SYNJ1: variants seen among roughly 807,000 people sequenced by gnomAD.
The protein encoded by SYNJ1 is polyphosphatidylinositol phosphatase SYNJ1.
In SYNJ1, 78 loss-of-function variants were observed where a neutral mutation model predicts 168.2. That is an observed-to-expected ratio of 0.46 (90% CI 0.39 to 0.56). SYNJ1 has a LOEUF of 0.56. Among genes scored for constraint, SYNJ1 ranks in the 20% least tolerant of loss-of-function variants. SYNJ1 has a pLI of 0.00. For missense variants in SYNJ1, 1,303 were observed against 1,597.6 expected (o/e 0.82, Z 3.14); for synonymous variants, 539 against 548.6 (o/e 0.98, Z 0.24).
intron 2 of SYNJ1, among the ~76,000 whole-genome samples, chr21:32,714,486 T>A (rs549627456): frequency 6.6e-6 from 1 of 152,262 alleles, no homozygotes; most frequent in East Asian, 1.9e-4. Flanking sequence ...GCCAGCTAAA[T>A]GCAGGCAGTT....
In SYNJ1 at chr21:32,648,574, T is replaced by C. The variant is rs2040157626; in HGVS notation, c.3037+1610A>G. ...GCTCTTTGACATTTCTAGAAACAAT[T>C]GCCATTGTTTCTTCTCATTTTCTTT... On this transcript the variant is annotated intron_variant, in intron 23 of 32. Coordinates refer to ENST00000674351, the MANE Select transcript of SYNJ1 (RefSeq NM_203446.3). Among the ~76,000 whole-genome samples the C allele has an allele frequency of 2.0e-5, 3 of 152,228 alleles. No homozygotes were observed. The South Asian group carries it at 6.2e-4, about 32-fold the overall frequency.
At chr21:32,708,166 T>C (rs191288231) in intron 2 of SYNJ1, among the ~76,000 whole-genome samples, 8 of 152,334 alleles carry the variant, frequency 5.3e-5, no homozygotes, top group South Asian at 2.1e-4. Flanking sequence ...GTGGGAAATA[T>C]AGGCATTGTT....
At chr21:32,705,624 T>C (rs995537221) in intron 2 of SYNJ1, among the ~76,000 whole-genome samples, 1 of 151,866 alleles carries the variant, frequency 6.6e-6, no homozygotes, top group African/African-American at 2.4e-5. Context: ...GGCAAAACAA[T>C]TATAAAGGGA....
chr21:32,718,817 AAT>A (rs2043114661), intron 2 of SYNJ1, among the ~76,000 whole-genome samples: 1 of 152,212 alleles, frequency 6.6e-6, no homozygotes, highest in African/African-American at 2.4e-5. Context: ...CTAATATATT[AAT>A]ATGTTAATAG....
In SYNJ1 at chr21:32,709,798, G is replaced by A. The variant is rs535717537; in HGVS notation, c.125-7751C>T. ...TTCCCAAAGTGCTGGGATTATAGGC[G>A]TAAGCCATGGTGTCCAGCCAAAAAC... is the stretch of plus-strand genomic sequence containing the variant. On this transcript the variant is annotated intron_variant, in intron 2 of 32. Coordinates refer to ENST00000674351, the MANE Select transcript of SYNJ1 (RefSeq NM_203446.3). Among the ~76,000 whole-genome samples the A allele has an allele frequency of 1.3e-3, 201 of 152,122 alleles. 2 individuals are homozygous for A. Among genetic ancestry groups the A allele is most frequent in the Middle Eastern group, 3.4e-3 (1 of 294 alleles).
chr21:32,644,877 T>C, intron 26 of SYNJ1, 91 bp downstream of exon 26: 2 of 1,385,476 alleles, frequency 1.4e-6, no homozygotes, highest in Non-Finnish European at 2.0e-6. Context: ...GTCATTCATT[T>C]TGACTTTTAT....
intron 7 of SYNJ1, among the ~76,000 whole-genome samples, chr21:32,688,087 G>A (rs781573227): frequency 6.6e-6 from 1 of 151,804 alleles, no homozygotes; most frequent in Non-Finnish European, 1.5e-5. Context: ...TGGACAATGC[G>A]CCCACAGAGG....
At chr21:32,711,858 G>A (rs2042843409) in intron 2 of SYNJ1, among the ~76,000 whole-genome samples, 2 of 152,124 alleles carry the variant, frequency 1.3e-5, no homozygotes, top group Admixed American at 1.3e-4. Context: ...AATCACACCT[G>A]CATTGCTAAC....
At chr21:32,692,880 T>C (rs930437589) in intron 6 of SYNJ1, among the ~76,000 whole-genome samples, 12 of 151,844 alleles carry the variant, frequency 7.9e-5, no homozygotes, top group Admixed American at 3.3e-4. Flanking sequence ...TGGGACCCTG[T>C]CTCTACAAAA....
Position 32,672,804 on chromosome 21 carries a change from C to T in SYNJ1, c.1726+536G>A, listed in dbSNP as rs919894795. Among the ~76,000 whole-genome samples, 7 of 152,110 alleles carry T rather than the reference C, an allele frequency of 4.6e-5. No homozygotes were observed. The South Asian group carries it at 1.5e-3, about 32-fold the overall frequency. On this transcript the variant is annotated intron_variant, in intron 14 of 32. Transcript: ENST00000674351. ...AATAAATATCACAAGTTTTATAAGG[C>T]TGCTCAAGACCCACTCTGACATTTC...
At chr21:32,702,119 A>G in intron 2 of SYNJ1, 72 bp from the exon 3 acceptor site, 1 of 1,124,396 alleles carries the variant, frequency 8.9e-7, no homozygotes. Context: ...GTATAAATCC[A>G]GAGTTTCAAT....
chr21:32,702,867 T>C (rs1019258325), intron 2 of SYNJ1, among the ~76,000 whole-genome samples: 2 of 152,272 alleles, frequency 1.3e-5, no homozygotes, highest in Admixed American at 6.5e-5. Flanking sequence ...AAATAGGATG[T>C]TTGGCAACAC....
intron 14 of SYNJ1, 70 bp from the exon 15 acceptor site, chr21:32,670,442 C>T: frequency 8.6e-7 from 1 of 1,161,812 alleles, no homozygotes; most frequent in Non-Finnish European, 1.3e-6. Flanking sequence ...TCCAACACAA[C>T]ATAACACCAG....
chr21:32,688,403 A>G (rs780146334), intron 6 of SYNJ1, 36 bp from the exon 7 acceptor site: 1 of 1,572,884 alleles, frequency 6.4e-7, no homozygotes, highest in South Asian at 1.1e-5. Context: ...CAAACCAAAA[A>G]CCAACATATA....
In SYNJ1 at chr21:32,680,626, T is replaced by G. The variant is rs541818064; in HGVS notation, c.1353+870A>C. Among the ~76,000 whole-genome samples the G allele has an allele frequency of 1.3e-4, 20 of 152,238 alleles. No individual in the cohort carries two copies. The South Asian group carries it at 2.3e-3, about 17-fold the overall frequency. On this transcript the variant is annotated intron_variant, in intron 11 of 32. Coordinates refer to ENST00000674351, the MANE Select transcript of SYNJ1 (RefSeq NM_203446.3). ...TATAATTAAGTCCATTCTTTTTTTT[T>G]TTTGGAACAGAGTCTCACTCTGTCA...
At position 32,678,174 on chromosome 21, in the gene SYNJ1, T is replaced by C. The variant is rs567258310; in HGVS notation, c.1510+471A>G. Among the ~76,000 whole-genome samples, 3 of 152,288 alleles carry C rather than the reference T, an allele frequency of 2.0e-5. No homozygotes were observed. The South Asian group carries it at 6.2e-4, about 32-fold the overall frequency. ...CAATAATTAGCACTACTTTAAATTA[T>C]TAATATGATTTAATGCTTATTCAAA... On this transcript the variant is annotated intron_variant, in intron 12 of 32. Transcript: ENST00000674351.
In SYNJ1 at chr21:32,656,751, C is replaced by T. The variant is rs1216892257; in HGVS notation, c.2731G>A (p.Asp911Asn). ...KSSLPENNFF[D>N]DALIDELLQQ... Reference sequence around the variant, plus strand: ...AGAAGCTCATCAATCAAGGCATCATCAAAAAAATTATTTTCTGGTAAAGAA... The same window carrying T: ...AGAAGCTCATCAATCAAGGCATCATTAAAAAAATTATTTTCTGGTAAAGAA... The change falls in exon 21 of 33, where the codon GAT becomes AAT. Residue 911 changes from aspartate (D) to asparagine (N), a missense_variant. Transcript: ENST00000674351. The T allele has an allele frequency of 1.2e-6, 2 of 1,613,826 alleles. No homozygotes were observed. The highest frequency in any genetic ancestry group is 2.2e-5 in the East Asian group (1 of 44,876).
intron 32 of SYNJ1, among the ~76,000 whole-genome samples, chr21:32,634,073 G>T (rs1211800584): frequency 1.3e-5 from 2 of 152,178 alleles, no homozygotes; most frequent in Admixed American, 6.5e-5. Context: ...AGAATCGTCT[G>T]CAACACAGAC....
intron 3 of SYNJ1, among the ~76,000 whole-genome samples, chr21:32,700,582 A>C (rs2042364381): frequency 6.6e-6 from 1 of 152,118 alleles, no homozygotes; most frequent in Non-Finnish European, 1.5e-5. Context: ...TTGAACCTGG[A>C]AGGTGGAGTC....
Sources: gnomAD v4.1 joint callset for allele counts (sites outside exome capture counted in the v4.1 genomes callset) on GRCh38, gnomAD v4.1.1 for gene constraint, MANE v1.5 for transcripts, NCBI Gene and HGNC (gene_info 2026-07-23, HGNC 2026-07-21) for gene names.